The following NIBAN1 variants were observed in gnomAD, a reference collection of about 807,000 sequenced individuals.
NIBAN1 encodes the protein protein Niban 1.
A neutral mutation model predicts 75.1 loss-of-function variants in NIBAN1; 81 were observed. The observed-to-expected ratio is 1.08, with a 90% CI of 0.90 to 1.30. The LOEUF is 1.30. Among genes scored for constraint, NIBAN1 ranks in the 50% most tolerant of loss-of-function variants. The pLI is 0.00. For synonymous variants in NIBAN1, 436 were observed against 424.8 expected (o/e 1.03, Z -0.32); for missense variants, 1,133 against 1,128.1 (o/e 1.00, Z -0.06).
intron 6 of NIBAN1, among the ~76,000 whole-genome samples, chr1:184,831,467 G>T (rs752921603): frequency 3.9e-5 from 6 of 152,176 alleles, no homozygotes; most frequent in Admixed American, 6.5e-5. Context: ...TGGCATGACT[G>T]AAGTCCAAGT....
In NIBAN1 at chr1:184,794,931, AC is replaced by A. The variant is rs760875025; in HGVS notation, c.*45del. ...TGCAACCCCTAAGTGTACCCCTATA[AC>A]CCTTTGGCTTTTTTCAGAGAAAGAC... is the stretch of plus-strand genomic sequence containing the variant. On this transcript the variant is annotated 3_prime_UTR_variant, in exon 14 of 14. Transcript: ENST00000367511. The A allele has an allele frequency of 6.2e-6, 10 of 1,601,408 alleles. No individual in the cohort carries two copies. Among genetic ancestry groups the A allele is most frequent in the Non-Finnish European group, 8.5e-6 (10 of 1,179,912 alleles).
At chr1:184,901,476 T>A (rs1040195633) in intron 1 of NIBAN1, among the ~76,000 whole-genome samples, 1 of 152,206 alleles carries the variant, frequency 6.6e-6, no homozygotes, top group Non-Finnish European at 1.5e-5. Flanking sequence ...GTCTATAATT[T>A]TCTTACATAG....
Position 184,845,778 on chromosome 1 carries a change from G to C in NIBAN1, c.602-13816C>G, listed in dbSNP as rs1345330755. Among the ~76,000 whole-genome samples, 2 of 85,326 alleles carry C rather than the reference G, an allele frequency of 2.3e-5. 1 individual carries two copies. Among genetic ancestry groups the C allele is most frequent in the Non-Finnish European group, 4.7e-5 (2 of 42,480 alleles). 56.0% of individuals were successfully genotyped at this position (85,326 alleles called of 152,430 possible). ...GCCAGTGTGTGTGCGCACCGTGCGCGAGCCGAAGCAGGGCGAGGCATTGCC... is the reference window on the plus strand; with the variant it reads ...GCCAGTGTGTGTGCGCACCGTGCGCCAGCCGAAGCAGGGCGAGGCATTGCC... On this transcript the variant is annotated intron_variant, in intron 5 of 13. Coordinates refer to ENST00000367511, the MANE Select transcript of NIBAN1 (RefSeq NM_052966.4).
In NIBAN1 at chr1:184,823,640, C is replaced by G; in HGVS notation, c.820G>C (p.Gly274Arg). Residue 274 changes from glycine to arginine, a missense_variant and splice_region_variant, in exon 7 of 14, where the codon GGT becomes CGT. Physicochemically the swap from Gly to Arg is moderately radical, Grantham distance 125. Coordinates refer to ENST00000367511, the MANE Select transcript of NIBAN1 (RefSeq NM_052966.4). Reference sequence around the variant, plus strand: ...TGTAGAGCAAAACCATTGCTTACACCAAGCCACGTCCTCTTTCTGTCATTC... The same window carrying G: ...TGTAGAGCAAAACCATTGCTTACACGAAGCCACGTCCTCTTTCTGTCATTC... ...KKNDRKRTWL[G>R]LLEEAYTLVQ... is the part of the protein sequence containing the mutation. 1 of 1,614,104 alleles carries G rather than the reference C, an allele frequency of 6.2e-7. No individual in the cohort carries two copies.
chr1:184,829,395 C>T (rs1654933030), intron 6 of NIBAN1, among the ~76,000 whole-genome samples: 1 of 151,256 alleles, frequency 6.6e-6, no homozygotes, highest in African/African-American at 2.4e-5. Flanking sequence ...CCACTTAGCA[C>T]ATAATCAGCC....
In NIBAN1 at chr1:184,909,765, T is replaced by C. The variant is rs897588198; in HGVS notation, c.56-10456A>G. ...ATGTCTCTGGATACAGTTTTTCTGA[T>C]AATAACTCAAACATCTCCAATAATA... On this transcript the variant is annotated intron_variant, in intron 1 of 13. Coordinates refer to ENST00000367511, the MANE Select transcript of NIBAN1 (RefSeq NM_052966.4). Among the ~76,000 whole-genome samples the C allele has an allele frequency of 2.0e-5, 3 of 152,200 alleles. No individual in the cohort carries two copies. In the East Asian group the frequency reaches 5.8e-4, roughly 29 times the overall value.
chr1:184,917,358 C>T (rs565083862), intron 1 of NIBAN1, among the ~76,000 whole-genome samples: 46 of 146,320 alleles, frequency 3.1e-4, no homozygotes, highest in African/African-American at 1.1e-3. Flanking sequence ...CCCGCCACCA[C>T]GCCCGGCTAA....
intron 5 of NIBAN1, among the ~76,000 whole-genome samples, chr1:184,855,826 T>C (rs1177753714): frequency 3.9e-5 from 6 of 152,232 alleles, no homozygotes; most frequent in African/African-American, 1.4e-4. Flanking sequence ...TAAATATTTG[T>C]TGAATAAATG....
chr1:184,904,622 A>G (rs1332445322), intron 1 of NIBAN1, among the ~76,000 whole-genome samples: 1 of 151,970 alleles, frequency 6.6e-6, no homozygotes, highest in Non-Finnish European at 1.5e-5. Context: ...CAACCACCAC[A>G]CCTTCAATCA....
At chr1:184,911,870 C>T (rs1657249401) in intron 1 of NIBAN1, among the ~76,000 whole-genome samples, 1 of 152,006 alleles carries the variant, frequency 6.6e-6, no homozygotes, top group Non-Finnish European at 1.5e-5. Flanking sequence ...ATATATATAC[C>T]TACTACCCAG....
intron 1 of NIBAN1, among the ~76,000 whole-genome samples, chr1:184,960,152 AT>A (rs1658592084): frequency 6.6e-6 from 1 of 152,240 alleles, no homozygotes; most frequent in East Asian, 1.9e-4. Context: ...TATCTGACAT[AT>A]ACATGCTTAA....
At chr1:184,951,222 T>C (rs566916362) in intron 1 of NIBAN1, among the ~76,000 whole-genome samples, 1 of 152,356 alleles carries the variant, frequency 6.6e-6, no homozygotes, top group South Asian at 2.1e-4. Context: ...ATGATAACAG[T>C]ACCTATCTTG....
intron 5 of NIBAN1, among the ~76,000 whole-genome samples, chr1:184,862,241 C>T (rs148221982): frequency 5.8e-4 from 89 of 152,252 alleles, no homozygotes; most frequent in Middle Eastern, 6.8e-3. Flanking sequence ...GGCTAGCTAA[C>T]ACTGGGTCTC....
At chr1:184,889,077 G>C (rs1040935694) in intron 4 of NIBAN1, among the ~76,000 whole-genome samples, 1 of 152,138 alleles carries the variant, frequency 6.6e-6, no homozygotes, top group African/African-American at 2.4e-5. Context: ...CTCTCTTCAA[G>C]AACCAAGTAA....
intron 1 of NIBAN1, among the ~76,000 whole-genome samples, chr1:184,972,807 G>T (rs138259517): frequency 2.0e-5 from 3 of 152,152 alleles, no homozygotes; most frequent in Non-Finnish European, 2.9e-5. Context: ...CAAATGGCAC[G>T]GCCAGGAAGT....
At chr1:184,885,453 G>A (rs1207688104) in intron 4 of NIBAN1, among the ~76,000 whole-genome samples, 2 of 152,166 alleles carry the variant, frequency 1.3e-5, no homozygotes, top group African/African-American at 4.8e-5. Context: ...GGGATTACAG[G>A]CATGAGCCAC....
At chr1:184,910,143 G>C (rs2102003599) in intron 1 of NIBAN1, among the ~76,000 whole-genome samples, 1 of 152,096 alleles carries the variant, frequency 6.6e-6, no homozygotes, top group South Asian at 2.1e-4. Context: ...AGGCCTCATA[G>C]GTGAAATTCA....
chr1:184,818,905 T>C (rs576847346), intron 8 of NIBAN1, 80 bp from the exon 9 acceptor site: 441 of 1,475,396 alleles, frequency 3.0e-4, no homozygotes, highest in Admixed American at 7.8e-4. Flanking sequence ...CAGAGCTGAA[T>C]GGTGCCCCAC....
At position 184,890,151 on chromosome 1, in the gene NIBAN1, A is replaced by G. The variant is rs1571550478; in HGVS notation, c.390T>C (p.Asp130=). Reference sequence around the variant, plus strand: ...GCCTGTCAGACAACAGATTATATTCATCTTCTGAGGTTAACACCTTGCCAC... The same window carrying G: ...GCCTGTCAGACAACAGATTATATTCGTCTTCTGAGGTTAACACCTTGCCAC... ...PAGGKVLTSE[D]EYNLLSDRHF... The change falls in exon 4 of 14, where the codon GAT becomes GAC. Residue 130 remains aspartate (D), a synonymous_variant. Transcript: ENST00000367511. 3.7e-6 allele frequency: 6 copies of G among 1,613,924 alleles called. No individual in the cohort carries two copies. Among genetic ancestry groups the G allele is most frequent in the Non-Finnish European group, 5.1e-6 (6 of 1,179,860 alleles).
Sources: gnomAD v4.1 joint callset for allele counts (sites outside exome capture counted in the v4.1 genomes callset) on GRCh38, gnomAD v4.1.1 for gene constraint, MANE v1.5 for transcripts, NCBI Gene and HGNC (gene_info 2026-07-23, HGNC 2026-07-21) for gene names.